N4BP2L2: variants seen among roughly 807,000 people sequenced by gnomAD.
N4BP2L2 encodes NEDD4-binding protein 2-like 2.
N4BP2L2 carries 50 observed loss-of-function variants against 56.2 expected under a neutral mutation model. The observed-to-expected ratio is 0.89, with a 90% CI of 0.71 to 1.13. The LOEUF (loss-of-function observed/expected upper bound fraction) is 1.13. Ranked by LOEUF, N4BP2L2 falls within the 50% of genes most tolerant of loss-of-function variation. The pLI, the probability that N4BP2L2 is intolerant of heterozygous loss-of-function variation, is 0.00. For synonymous variants in N4BP2L2, 203 were observed against 223.6 expected (o/e 0.91, Z 0.82); for missense variants, 689 against 693.8 (o/e 0.99, Z 0.08).
chr13:32,447,889 G>C (rs1339753439), intron 6 of N4BP2L2, among the ~76,000 whole-genome samples: 3 of 152,132 alleles, frequency 2.0e-5, no homozygotes, highest in Non-Finnish European at 4.4e-5. Flanking sequence ...GTAAACACTG[G>C]ACCATGAAAG....
intron 2 of N4BP2L2, among the ~76,000 whole-genome samples, chr13:32,528,714 G>A (rs969099084): frequency 6.6e-6 from 1 of 152,120 alleles, no homozygotes; most frequent in African/African-American, 2.4e-5. Context: ...TGGGATGGAA[G>A]GTGGTATATT....
At chr13:32,476,704 T>G (rs1360059977) in intron 6 of N4BP2L2, among the ~76,000 whole-genome samples, 3 of 152,040 alleles carry the variant, frequency 2.0e-5, no homozygotes, top group African/African-American at 7.2e-5. Flanking sequence ...CATATAACCA[T>G]GAACAAGGAA....
At chr13:32,452,063 C>CTTTTTT (rs755677854) in intron 6 of N4BP2L2, among the ~76,000 whole-genome samples, 3 of 60,684 alleles carry the variant, frequency 4.9e-5, no homozygotes, top group Non-Finnish European at 9.8e-5. Context: ...TTTTCTTTTT[C>CTTTTTT]TTTTTTTTTT....
intron 6 of N4BP2L2, among the ~76,000 whole-genome samples, chr13:32,501,554 C>G (rs1406509686): frequency 6.6e-6 from 1 of 152,066 alleles, no homozygotes; most frequent in African/African-American, 2.4e-5. Context: ...GTGGCTCACG[C>G]CTGTAATCCC....
At chr13:32,449,363 C>T (rs1434094823) in intron 6 of N4BP2L2, among the ~76,000 whole-genome samples, 1 of 152,110 alleles carries the variant, frequency 6.6e-6, no homozygotes, top group African/African-American at 2.4e-5. Context: ...TATGATTATG[C>T]ACTCATATTG....
At chr13:32,489,736 A>G (rs2139306447) in intron 6 of N4BP2L2, among the ~76,000 whole-genome samples, 1 of 150,430 alleles carries the variant, frequency 6.6e-6, no homozygotes, top group South Asian at 2.1e-4. Context: ...ATCTAGTTTA[A>G]TCACCAAGAT....
chr13:32,531,630 A>G lies in N4BP2L2; in HGVS notation c.1260-4098T>C, dbSNP rs148454544. 3.4e-3 allele frequency among the ~76,000 whole-genome samples: 514 copies of G among 152,282 alleles called. 5 individuals carry two copies. Among genetic ancestry groups the G allele is most frequent in the African/African-American group, 0.011 (460 of 41,566 alleles). ...CTGAATTAAGAATCAAGGGACCTAT[A>G]TGAAGAAAGACAAGTCTTTCCTCTG... On this transcript the variant is annotated intron_variant, in intron 2 of 5. Transcript: ENST00000267068.
downstream of N4BP2L2, chr13:32,507,903 TGA>T (rs1291820823): frequency 1.3e-5 from 2 of 152,122 alleles, no homozygotes; most frequent in African/African-American, 4.8e-5. Context: ...TGAGAAATGA[TGA>T]GACCACATAG....
At chr13:32,535,605 T>C (rs191608527) in intron 2 of N4BP2L2, among the ~76,000 whole-genome samples, 164 bp downstream of exon 2, 147 of 152,338 alleles carry the variant, frequency 9.6e-4, no homozygotes, top group Middle Eastern at 6.8e-3. Flanking sequence ...GGTCTCACTA[T>C]GTTGCCCAGG....
intron 6 of N4BP2L2, among the ~76,000 whole-genome samples, chr13:32,455,978 A>G (rs1593513372): frequency 1.3e-5 from 2 of 152,280 alleles, no homozygotes; most frequent in South Asian, 4.1e-4. Context: ...CATCACCCAA[A>G]CAAGCACATT....
intron 3 of N4BP2L2, 170 bp downstream of exon 3, chr13:32,527,238 G>T (rs558260909): frequency 3.1e-6 from 2 of 636,894 alleles, no homozygotes; most frequent in East Asian, 5.8e-5. Flanking sequence ...ATCAGGTAGG[G>T]CAAGTATAAT....
chr13:32,463,911 C>T (rs2138763085), intron 6 of N4BP2L2, among the ~76,000 whole-genome samples: 1 of 100,260 alleles, frequency 1.0e-5, no homozygotes. Context: ...CCCTACCTGC[C>T]CATGACCAAA....
intron 6 of N4BP2L2, among the ~76,000 whole-genome samples, chr13:32,499,783 G>C (rs1434457150): frequency 6.6e-6 from 1 of 152,022 alleles, no homozygotes. Context: ...CTTTGTTCAG[G>C]GCTGGGAAGG....
chr13:32,519,700 A>G (rs1246548184), intron 5 of N4BP2L2, among the ~76,000 whole-genome samples: 1 of 152,128 alleles, frequency 6.6e-6, no homozygotes, highest in Non-Finnish European at 1.5e-5. Flanking sequence ...CCTGGGTGAC[A>G]GCAGTAGACC....
At chr13:32,446,431 A>C (rs762191433) in intron 6 of N4BP2L2, 1 of 1,358,824 alleles carries the variant, frequency 7.4e-7, no homozygotes, top group Non-Finnish European at 9.8e-7. Context: ...GCAGACTAGT[A>C]TGTCATTCTG....
intron 6 of N4BP2L2, among the ~76,000 whole-genome samples, chr13:32,488,802 T>TA: frequency 6.6e-6 from 1 of 152,208 alleles, no homozygotes; most frequent in Admixed American, 6.5e-5. Context: ...TTTTCTTCAG[T>TA]AAAGAAATTA....
intron 6 of N4BP2L2, among the ~76,000 whole-genome samples, chr13:32,466,924 A>C (rs1355314576): frequency 6.6e-6 from 1 of 152,226 alleles, no homozygotes. Context: ...ATTCACACTA[A>C]GACCTGAAAG....
In N4BP2L2 at chr13:32,479,025, C is replaced by T. The variant is rs1402809790; in HGVS notation, c.366-34899G>A. 2.0e-5 allele frequency among the ~76,000 whole-genome samples: 3 copies of T among 151,924 alleles called. No homozygotes were observed. The East Asian group carries it at 5.9e-4, about 30-fold the overall frequency. ...TGGCGGGTGCCTATAATCCCAGCTA[C>T]TCAGGAGGCTGAGGCAGGAGAATCA... On this transcript the variant is annotated intron_variant, in intron 6 of 9. Transcript: ENST00000357505.
intron 6 of N4BP2L2, among the ~76,000 whole-genome samples, chr13:32,502,800 T>C (rs1426774403): frequency 6.6e-6 from 1 of 152,176 alleles, no homozygotes; most frequent in Non-Finnish European, 1.5e-5. Flanking sequence ...TGAACACCAG[T>C]ATCAAGCAAC....
Sources: allele counts gnomAD v4.1 joint callset (sites outside exome capture counted in the v4.1 genomes callset), GRCh38; gene constraint gnomAD v4.1.1; transcripts MANE v1.5; gene names NCBI Gene and HGNC (gene_info 2026-07-23, HGNC 2026-07-21).